Variants in C2orf42 observed in about 807,000 individuals in gnomAD.
C2orf42 encodes the protein chromosome 2 open reading frame 42, also known as uncharacterized protein C2orf42.
C2orf42 carries 44 observed loss-of-function variants against 58.9 expected under a neutral mutation model. The observed-to-expected ratio is 0.75, with a 90% CI of 0.59 to 0.96. The LOEUF (loss-of-function observed/expected upper bound fraction) is 0.96, where lower values mean the gene tolerates loss of function less well. Among genes scored for constraint, C2orf42 ranks in the 40% least tolerant of loss-of-function variants. C2orf42 has a pLI of 0.00. For missense variants in C2orf42, 630 were observed against 699.2 expected (o/e 0.90, Z 1.12); for synonymous variants, 239 against 265.4 (o/e 0.90, Z 0.97).
chr2:70,153,688 A>AC (rs1672458734), intron 9 of C2orf42, among the ~76,000 whole-genome samples: 1 of 151,350 alleles, frequency 6.6e-6, no homozygotes, highest in African/African-American at 2.4e-5. Context: ...AAAAAAAAAA[A>AC]ACTACATAAG....
intron 6 of C2orf42, among the ~76,000 whole-genome samples, chr2:70,168,290 C>T (rs1344235544): frequency 7.6e-6 from 1 of 132,096 alleles, no homozygotes; most frequent in Non-Finnish European, 1.6e-5. Context: ...CTATAGGATC[C>T]TTTTTTTTTT....
intron 5 of C2orf42, among the ~76,000 whole-genome samples, chr2:70,174,829 T>C (rs542526526): frequency 6.6e-6 from 1 of 151,978 alleles, no homozygotes; most frequent in Non-Finnish European, 1.5e-5. Flanking sequence ...TGCCACCACA[T>C]CTGGCTAATT....
intron 1 of C2orf42, among the ~76,000 whole-genome samples, chr2:70,187,481 G>A (rs948202672): frequency 2.0e-5 from 3 of 151,832 alleles, no homozygotes; most frequent in Non-Finnish European, 2.9e-5. Context: ...TCAAATTCCC[G>A]ACCTCAAGTG....
chr2:70,189,309 G>C (rs935901145), intron 1 of C2orf42, among the ~76,000 whole-genome samples: 2 of 150,696 alleles, frequency 1.3e-5, no homozygotes, highest in African/African-American at 2.5e-5. Context: ...CGGAGGCTGA[G>C]GCAGGAGGAT....
At chr2:70,171,791 T>C (rs951936107) in intron 5 of C2orf42, among the ~76,000 whole-genome samples, 4 of 151,624 alleles carry the variant, frequency 2.6e-5, no homozygotes, top group Non-Finnish European at 5.9e-5. Context: ...ATTACAGGCA[T>C]GAGCCACTGC....
chr2:70,150,272 T>C lies in C2orf42; in HGVS notation c.*84A>G. 1.7e-6 allele frequency: 2 copies of C among 1,163,814 alleles called. No homozygotes were observed. Among genetic ancestry groups the C allele is most frequent in the Non-Finnish European group, 2.5e-6 (2 of 786,776 alleles). The allele number at this position is 1,163,814 out of a possible 1,614,324, so 72.1% of individuals were successfully genotyped here. A position where few individuals can be genotyped will look rare whatever the true frequency, so the allele number is the denominator to read the frequency against. ...AGCAGTTTACCAAGGAACAGGGCCA[T>C]CTAAGTGCCTAACTAGCATTTAAAG... On this transcript the variant is annotated 3_prime_UTR_variant, in exon 10 of 10. Coordinates refer to ENST00000264434, the MANE Select transcript of C2orf42 (RefSeq NM_017880.3).
chr2:70,166,176 A>G (rs1346904978), intron 6 of C2orf42, among the ~76,000 whole-genome samples: 1 of 150,974 alleles, frequency 6.6e-6, no homozygotes, highest in East Asian at 2.0e-4. Context: ...GGCGTGAGCC[A>G]CCGTGCCTGG....
At position 70,178,721 on chromosome 2, in the gene C2orf42, G is replaced by C. The variant is rs532503249; in HGVS notation, c.934+811C>G. On this transcript the variant is annotated intron_variant, in intron 4 of 9. Coordinates refer to ENST00000264434, the MANE Select transcript of C2orf42 (RefSeq NM_017880.3). ...AAGCCAAAGCGGGTGGATCACCTGA[G>C]GTCAGGAGTTCAAGACCAGTCTGAC... 2.4e-4 allele frequency among the ~76,000 whole-genome samples: 37 copies of C among 152,198 alleles called. 1 individual carries two copies. In the South Asian group the frequency reaches 7.5e-3, roughly 31 times the overall value.
Position 70,181,910 on chromosome 2 carries a change from T to C in C2orf42, c.76A>G (p.Arg26Gly), listed in dbSNP as rs1285617885. The change falls in exon 3 of 10, where the codon AGA (arginine) becomes GGA (glycine). Residue 26 changes from arginine (R) to glycine (G), a missense_variant. Arg to Gly is a moderately radical substitution (Grantham distance 125). Transcript: ENST00000264434. ...DLGKATLRGI[R>G]KCPRCGTYNG... is the part of the protein sequence containing the mutation. The stretch of plus-strand genomic sequence containing the variant: ...TATGTGCCACATCGGGGACACTTTC[T>C]GATTCCCCTCAATGTGGCCTTCCCC... 1 of 1,613,740 alleles carries C rather than the reference T, an allele frequency of 6.2e-7. No individual in the cohort carries two copies. Among genetic ancestry groups the C allele is most frequent in the Admixed American group, 1.7e-5 (1 of 59,988 alleles).
chr2:70,155,944 T>C (rs936612720), intron 9 of C2orf42, among the ~76,000 whole-genome samples: 2 of 151,400 alleles, frequency 1.3e-5, no homozygotes, highest in African/African-American at 4.9e-5. Flanking sequence ...TCACCTGAGG[T>C]TGGGAATTCA....
rs748457203 is a variant in C2orf42 at position 70,182,684 on chromosome 2, G to A, written c.-30C>T. The A allele has an allele frequency of 1.3e-5, 2 of 152,122 alleles. No individual in the cohort carries two copies. Among genetic ancestry groups the A allele is most frequent in the Non-Finnish European group, 2.9e-5 (2 of 68,034 alleles). 9.4% of individuals were successfully genotyped at this position (152,122 alleles called of 1,614,324 possible). On this transcript the variant is annotated 5_prime_UTR_variant, in exon 2 of 10. Coordinates refer to ENST00000264434, the MANE Select transcript of C2orf42 (RefSeq NM_017880.3). ...AATCCTACCTGTACCAGCTGCCAAGGCATCTGGAAAACAGTGTAACCTGAA... is the reference window on the plus strand; with the variant it reads ...AATCCTACCTGTACCAGCTGCCAAGACATCTGGAAAACAGTGTAACCTGAA...
chr2:70,161,501 T>C (rs551788743), intron 8 of C2orf42, among the ~76,000 whole-genome samples: 14 of 152,282 alleles, frequency 9.2e-5, no homozygotes, highest in Non-Finnish European at 1.8e-4. Context: ...GTGTTTTTAA[T>C]GCCAACACAG....
intron 1 of C2orf42, among the ~76,000 whole-genome samples, chr2:70,185,746 AAC>A (rs888916604): frequency 1.4e-4 from 21 of 149,550 alleles, no homozygotes; most frequent in African/African-American, 4.2e-4. Flanking sequence ...CACACACACA[AAC>A]ACACACACAC....
chr2:70,184,972 C>T (rs1674835076), intron 1 of C2orf42, among the ~76,000 whole-genome samples: 1 of 151,914 alleles, frequency 6.6e-6, no homozygotes, highest in African/African-American at 2.4e-5. Flanking sequence ...CACCTGTAGT[C>T]CCAGCTACTT....
chr2:70,158,785 G>A (rs1672865345), intron 9 of C2orf42, among the ~76,000 whole-genome samples: 1 of 151,996 alleles, frequency 6.6e-6, no homozygotes, highest in Admixed American at 6.6e-5. Context: ...TAGAGATGGG[G>A]TTTCACCATG....
rs981117727 is a variant in C2orf42 at position 70,181,728 on chromosome 2, G to A, written c.258C>T (p.Tyr86=). The change falls in exon 3 of 10, where the codon TAC becomes TAT. Residue 86 remains tyrosine, a synonymous_variant. Coordinates refer to ENST00000264434, the MANE Select transcript of C2orf42 (RefSeq NM_017880.3). ...SVRQRDRGPD[Y]RCFVELGVSE... ...AAACCCCGAGCTCCACAAAGCATCG[G>A]TAATCAGGGCCCCGGTCTCTTTGCC... 2 of 1,614,184 alleles carry A rather than the reference G, an allele frequency of 1.2e-6. No individual in the cohort carries two copies. Among genetic ancestry groups the A allele is most frequent in the Admixed American group, 1.7e-5 (1 of 60,006 alleles).
intron 4 of C2orf42, among the ~76,000 whole-genome samples, chr2:70,179,213 A>G (rs1353902504): frequency 6.6e-6 from 1 of 152,106 alleles, no homozygotes; most frequent in Non-Finnish European, 1.5e-5. Flanking sequence ...GCTTAACTTG[A>G]AAAAGAATCA....
rs1216769347 is a variant in C2orf42 at position 70,181,148 on chromosome 2, A to AACC, written c.823+12_823+14dup. The AACC allele has an allele frequency of 6.8e-7, 1 of 1,475,128 alleles. No homozygotes were observed. Among genetic ancestry groups the AACC allele is most frequent in the Non-Finnish European group, 9.2e-7 (1 of 1,087,950 alleles). The allele number at this position is 1,475,128 out of a possible 1,614,324, so 91.4% of individuals were successfully genotyped here. A position where few individuals can be genotyped will look rare whatever the true frequency, so the allele number is the denominator to read the frequency against. On this transcript the variant is annotated intron_variant, in intron 3 of 9. Transcript: ENST00000264434. ...TTTAGAAAAACGTAATAACCACATC[A>AACC]ACCATACCACCTACCGCTGGAATCA...
At chr2:70,163,746 A>C (rs924819439) in intron 8 of C2orf42, among the ~76,000 whole-genome samples, 2 of 151,878 alleles carry the variant, frequency 1.3e-5, no homozygotes, top group African/African-American at 4.8e-5. Flanking sequence ...GCTACTCAGG[A>C]GGTTGAGGCA....
Sources: allele counts gnomAD v4.1 joint callset (sites outside exome capture counted in the v4.1 genomes callset), GRCh38; gene constraint gnomAD v4.1.1; transcripts MANE v1.5; gene names NCBI Gene and HGNC (gene_info 2026-07-23, HGNC 2026-07-21).